The following SGK3 variants were observed in gnomAD, a reference collection of about 807,000 sequenced individuals.
The protein encoded by SGK3 is serum/glucocorticoid regulated kinase family member 3, also known as serine/threonine-protein kinase Sgk3.
SGK3 carries 47 observed loss-of-function variants against 68.5 expected under a neutral mutation model. The observed-to-expected ratio is 0.69, with a 90% CI of 0.54 to 0.87. The LOEUF is 0.87. Among genes scored for constraint, SGK3 ranks in the 40% least tolerant of loss-of-function variants. SGK3 has a pLI of 0.00. For synonymous variants in SGK3, 181 were observed against 189.1 expected (o/e 0.96, Z 0.35); for missense variants, 479 against 575.5 (o/e 0.83, Z 1.72).
rs186608561 is a variant in SGK3 at position 66,722,344 on chromosome 8, G to A, written c.-122+9511G>A. ...GTCACAGAGGCTGGAGTGCAGCGGC[G>A]CGATCTTGGCTCACTGCAACCTCTA... On this transcript the variant is annotated intron_variant, in intron 1 of 16. Transcript: ENST00000521198. Among the ~76,000 whole-genome samples, 559 of 152,248 alleles carry A rather than the reference G, an allele frequency of 3.7e-3. 6 individuals are homozygous for A. The highest frequency in any genetic ancestry group is 0.034 in the South Asian group (165 of 4,826).
chr8:66,767,378 C>G, intron 1 of SGK3: 1 of 1,200,470 alleles, frequency 8.3e-7, no homozygotes, highest in Non-Finnish European at 1.2e-6. Context: ...TATACACAAA[C>G]TCTAAAGCAC....
At chr8:66,785,729 G>A (rs1585713318) in intron 1 of SGK3, among the ~76,000 whole-genome samples, 2 of 152,196 alleles carry the variant, frequency 1.3e-5, no homozygotes, top group African/African-American at 4.8e-5. Flanking sequence ...CTTGAAAAGT[G>A]TTGCCGTCAT....
At chr8:66,721,654 G>T (rs1162593056) in intron 1 of SGK3, among the ~76,000 whole-genome samples, 1 of 151,280 alleles carries the variant, frequency 6.6e-6, no homozygotes, top group East Asian at 1.9e-4. Context: ...TTAAGCATTG[G>T]CATGAACTAT....
At chr8:66,812,747 G>A (rs1211198163) in intron 4 of SGK3, among the ~76,000 whole-genome samples, 2 of 152,006 alleles carry the variant, frequency 1.3e-5, no homozygotes, top group Non-Finnish European at 2.9e-5. Context: ...GCATTATGAG[G>A]TATAAATATT....
intron 1 of SGK3, among the ~76,000 whole-genome samples, chr8:66,772,856 T>A (rs2130494146): frequency 6.6e-6 from 1 of 152,202 alleles, no homozygotes; most frequent in South Asian, 2.1e-4. Context: ...TGAGCTCAAG[T>A]GATCTGCCTG....
At chr8:66,768,812 G>A (rs76334012) in intron 1 of SGK3, among the ~76,000 whole-genome samples, 2 of 152,134 alleles carry the variant, frequency 1.3e-5, no homozygotes, top group East Asian at 1.9e-4. Flanking sequence ...TGATCTGCCC[G>A]TTGCCCTCCT....
At chr8:66,772,870 C>T (rs759228592) in intron 1 of SGK3, among the ~76,000 whole-genome samples, 19 of 152,038 alleles carry the variant, frequency 1.2e-4, no homozygotes, top group Non-Finnish European at 2.4e-4. Context: ...CTGCCTGCCT[C>T]GGCCTCCCAA....
intron 4 of SGK3, among the ~76,000 whole-genome samples, chr8:66,811,786 C>G: frequency 6.6e-6 from 1 of 152,186 alleles, no homozygotes; most frequent in East Asian, 1.9e-4. Context: ...CTTTGAATAT[C>G]CTAAATGTAG....
At chr8:66,838,442 AAGT>A in intron 10 of SGK3, among the ~76,000 whole-genome samples, 1 of 152,278 alleles carries the variant, frequency 6.6e-6, no homozygotes, top group East Asian at 1.9e-4. Context: ...GTGTTCTAGT[AAGT>A]GTCAGACCCT....
chr8:66,784,947 A>G (rs1807139687), intron 1 of SGK3, among the ~76,000 whole-genome samples: 2 of 152,130 alleles, frequency 1.3e-5, no homozygotes, highest in Non-Finnish European at 2.9e-5. Context: ...TTATTTCATA[A>G]TTAGCCCTTG....
intron 1 of SGK3, among the ~76,000 whole-genome samples, chr8:66,753,516 G>A (rs1178113891): frequency 2.6e-5 from 4 of 152,124 alleles, no homozygotes; most frequent in African/African-American, 9.7e-5. Flanking sequence ...TTCCCAGCTT[G>A]CAAAAACTAT....
At chr8:66,825,955 G>T (rs1192511796) in intron 6 of SGK3, among the ~76,000 whole-genome samples, 2 of 151,812 alleles carry the variant, frequency 1.3e-5, no homozygotes, top group African/African-American at 2.4e-5. Flanking sequence ...TGTTTAATCT[G>T]CACTATATTT....
chr8:66,830,078 A>G (rs1285124156), intron 7 of SGK3, among the ~76,000 whole-genome samples: 1 of 151,640 alleles, frequency 6.6e-6, no homozygotes, highest in Admixed American at 6.6e-5. Context: ...TGGTCTTGGA[A>G]CTCCTGATCT....
intron 1 of SGK3, chr8:66,737,141 T>C (rs1236709267): frequency 6.6e-6 from 1 of 151,718 alleles, no homozygotes; most frequent in Admixed American, 6.6e-5. Flanking sequence ...ATATTCTTAA[T>C]AGATAAAATT....
chr8:66,802,576 G>T (rs1331248200), intron 3 of SGK3, among the ~76,000 whole-genome samples: 1 of 151,912 alleles, frequency 6.6e-6, no homozygotes, highest in Non-Finnish European at 1.5e-5. Flanking sequence ...TGTGGTCCCA[G>T]CTACTCAGGG....
At chr8:66,844,725 A>C (rs183587818) in intron 14 of SGK3, among the ~76,000 whole-genome samples, 1 of 152,168 alleles carries the variant, frequency 6.6e-6, no homozygotes, top group South Asian at 2.1e-4. Context: ...CTGAGTGTCT[A>C]TTTGCTTTTT....
At chr8:66,759,736 C>A (rs1482663865) in intron 1 of SGK3, among the ~76,000 whole-genome samples, 1 of 152,034 alleles carries the variant, frequency 6.6e-6, no homozygotes, top group African/African-American at 2.4e-5. Context: ...GATCTCAGCT[C>A]ACTGCAAGCT....
intron 1 of SGK3, among the ~76,000 whole-genome samples, chr8:66,717,111 A>G (rs1351304842): frequency 6.6e-6 from 1 of 151,298 alleles, no homozygotes; most frequent in Non-Finnish European, 1.5e-5. Flanking sequence ...AGGCTGAGGC[A>G]GGAGAACCTC....
At chr8:66,785,892 A>C (rs1807178961) in intron 1 of SGK3, among the ~76,000 whole-genome samples, 1 of 152,240 alleles carries the variant, frequency 6.6e-6, no homozygotes, top group South Asian at 2.1e-4. Flanking sequence ...ACCAGACTAC[A>C]AAATTATCTT....
Sources: gnomAD v4.1 joint callset for allele counts (sites outside exome capture counted in the v4.1 genomes callset) on GRCh38, gnomAD v4.1.1 for gene constraint, MANE v1.5 for transcripts, NCBI Gene and HGNC (gene_info 2026-07-23, HGNC 2026-07-21) for gene names.